Variants in TTC17 observed in about 807,000 individuals in gnomAD.
TTC17 encodes the protein tetratricopeptide repeat protein 17.
A neutral mutation model predicts 143.8 loss-of-function variants in TTC17; 58 were observed. The observed-to-expected ratio is 0.40, with a 90% CI of 0.33 to 0.50. TTC17 has a LOEUF of 0.50. Among genes scored for constraint, TTC17 ranks in the 20% least tolerant of loss-of-function variants. The pLI is 0.49. For synonymous variants in TTC17, 501 were observed against 497.8 expected (o/e 1.01, Z -0.09); for missense variants, 1,273 against 1,392.5 (o/e 0.91, Z 1.37).
intron 16 of TTC17, among the ~76,000 whole-genome samples, chr11:43,424,994 C>T (rs1169297208): frequency 6.6e-6 from 1 of 152,110 alleles, no homozygotes; most frequent in Non-Finnish European, 1.5e-5. Context: ...GGGCTGACTT[C>T]TTGTTATATA....
At chr11:43,378,343 T>G (rs1856837785) in intron 1 of TTC17, among the ~76,000 whole-genome samples, 1 of 152,212 alleles carries the variant, frequency 6.6e-6, no homozygotes, top group South Asian at 2.1e-4. Context: ...TGGACGGAGT[T>G]GTAAATTAAG....
intron 1 of TTC17, among the ~76,000 whole-genome samples, chr11:43,366,568 A>G (rs1856351928): frequency 6.6e-6 from 1 of 152,026 alleles, no homozygotes; most frequent in Non-Finnish European, 1.5e-5. Flanking sequence ...AACATCCACC[A>G]TGCCAGCATG....
chr11:43,492,001 A>G lies in TTC17; in HGVS notation c.3151-19A>G, dbSNP rs752346042. Reference sequence around the variant, plus strand: ...CAAAACCCAATTTTCCCTTCTCACCATTCTCCTTCTTCTCCCAGGATGTGC... The same window carrying G: ...CAAAACCCAATTTTCCCTTCTCACCGTTCTCCTTCTTCTCCCAGGATGTGC... On this transcript the variant is annotated intron_variant, in intron 22 of 23. Transcript: ENST00000039989. 2.5e-6 allele frequency: 4 copies of G among 1,611,784 alleles called. No individual in the cohort carries two copies. In the South Asian group the frequency reaches 3.3e-5, roughly 13 times the overall value.
intron 21 of TTC17, among the ~76,000 whole-genome samples, chr11:43,487,382 G>A (rs1948400724): frequency 6.6e-6 from 1 of 152,160 alleles, no homozygotes; most frequent in African/African-American, 2.4e-5. Flanking sequence ...CTGACCTCAC[G>A]TGATCTGCCT....
chr11:43,427,596 A>C (rs1947059336), intron 16 of TTC17, among the ~76,000 whole-genome samples: 1 of 152,206 alleles, frequency 6.6e-6, no homozygotes. Flanking sequence ...ACACATACAC[A>C]TAAAAGTACC....
intron 16 of TTC17, among the ~76,000 whole-genome samples, chr11:43,435,856 A>C (rs561201809): frequency 1.3e-5 from 2 of 152,352 alleles, no homozygotes; most frequent in South Asian, 4.1e-4. Flanking sequence ...TTCTAACTTC[A>C]AGAAAATATT....
Position 43,448,063 on chromosome 11 carries a change from C to T in TTC17, c.2727C>T (p.Arg909=), listed in dbSNP as rs776224020. Residue 909 remains arginine (R), a synonymous_variant, in exon 19 of 24, where the codon CGC becomes CGT. Coordinates refer to ENST00000039989, the MANE Select transcript of TTC17 (RefSeq NM_018259.6). ...GCCCGGACGAATGCCTCAAACTCCG[C>T]TGGGTAGAGCTGACTGCCATCGTGA... The part of the protein sequence containing the change: ...WPSPDECLKL[R]WVELTAIVST... 1 of 1,614,174 alleles carries T rather than the reference C, an allele frequency of 6.2e-7. No individual in the cohort carries two copies. Among genetic ancestry groups the T allele is most frequent in the Admixed American group, 1.7e-5 (1 of 60,022 alleles).
chr11:43,472,221 T>G (rs1948105367), intron 21 of TTC17, among the ~76,000 whole-genome samples: 1 of 152,092 alleles, frequency 6.6e-6, no homozygotes, highest in Non-Finnish European at 1.5e-5. Context: ...TAGCCAAGCA[T>G]AGTAGCATAC....
chr11:43,484,688 T>C (rs1046692438), intron 21 of TTC17, among the ~76,000 whole-genome samples: 1 of 152,148 alleles, frequency 6.6e-6, no homozygotes, highest in African/African-American at 2.4e-5. Flanking sequence ...ACTTTTTTGA[T>C]AAAACAAGAC....
intron 16 of TTC17, among the ~76,000 whole-genome samples, chr11:43,426,959 A>G (rs990546795): frequency 3.9e-5 from 6 of 152,184 alleles, no homozygotes; most frequent in Non-Finnish European, 8.8e-5. Context: ...GTAATGTACA[A>G]GGTCTGTTGG....
At chr11:43,368,489 A>G (rs1370380300) in intron 1 of TTC17, among the ~76,000 whole-genome samples, 1 of 152,196 alleles carries the variant, frequency 6.6e-6, no homozygotes, top group East Asian at 1.9e-4. Flanking sequence ...AACCCAACGT[A>G]GTAATAACTT....
chr11:43,393,008 T>C (rs1475960803), intron 5 of TTC17, among the ~76,000 whole-genome samples: 1 of 152,202 alleles, frequency 6.6e-6, no homozygotes, highest in African/African-American at 2.4e-5. Flanking sequence ...GGTTAGGTGG[T>C]TGTATTTGTC....
intron 10 of TTC17, 36 bp downstream of exon 10, chr11:43,401,594 T>A: frequency 7.1e-7 from 1 of 1,417,464 alleles, no homozygotes; most frequent in Non-Finnish European, 9.7e-7. Context: ...CTTATAAACG[T>A]TTGCTTTATA....
chr11:43,457,589 A>G (rs1947787674), intron 21 of TTC17, among the ~76,000 whole-genome samples: 1 of 152,182 alleles, frequency 6.6e-6, no homozygotes, highest in Non-Finnish European at 1.5e-5. Context: ...GAAAAGATGA[A>G]GAAAGTAGAT....
intron 16 of TTC17, among the ~76,000 whole-genome samples, chr11:43,417,388 A>G (rs1229595346): frequency 1.3e-5 from 2 of 152,182 alleles, no homozygotes; most frequent in Non-Finnish European, 2.9e-5. Flanking sequence ...TGTTTGCAAT[A>G]TTGAAGTAAG....
chr11:43,405,086 T>A (rs562277207), intron 11 of TTC17, among the ~76,000 whole-genome samples: 41 of 148,126 alleles, frequency 2.8e-4, no homozygotes, highest in Non-Finnish European at 5.6e-4. Context: ...GACCCATTTC[T>A]TCTTTTTCTT....
intron 22 of TTC17, chr11:43,490,854 CAAAAAAAAAAAAAAAAA>C (rs57074352): frequency 1.5e-5 from 1 of 66,562 alleles, no homozygotes; most frequent in Non-Finnish European, 2.8e-5. Flanking sequence ...ACTTTTTCCA[CAAAAAAAAAAAAAAAAA>C]AAAAAAAAAA....
chr11:43,443,566 T>A lies in TTC17; in HGVS notation c.2493T>A (p.Asp831Glu), dbSNP rs1324821206. The change falls in exon 17 of 24, where the codon GAT (aspartate) becomes GAA (glutamate). Residue 831 changes from aspartate to glutamate, a missense_variant. Around this residue, in one of 3 missense-constraint regions of TTC17, gnomAD observed 878 missense variants for 899.8 expected, o/e 0.98. Coordinates refer to ENST00000039989, the MANE Select transcript of TTC17 (RefSeq NM_018259.6). Reference sequence around the variant, plus strand: ...GCTATGGAGACTGCAGAAGTGAAGATGATGAAGCAACAGAATGGGTAAGTT... The same window carrying A: ...GCTATGGAGACTGCAGAAGTGAAGAAGATGAAGCAACAGAATGGGTAAGTT... ...SSCYGDCRSE[D>E]DEATEWITFQ... 6.2e-7 allele frequency: 1 copy of A among 1,611,276 alleles called. No individual in the cohort carries two copies. Among genetic ancestry groups the A allele is most frequent in the African/African-American group, 1.3e-5 (1 of 74,770 alleles).
At chr11:43,407,115 C>G in intron 13 of TTC17, 23 bp from the exon 14 acceptor site, 1 of 1,493,048 alleles carries the variant, frequency 6.7e-7, no homozygotes. Context: ...TCAATTGAGT[C>G]AGTCTTCCTT....
Sources: allele counts gnomAD v4.1 joint callset (sites outside exome capture counted in the v4.1 genomes callset), GRCh38; gene constraint gnomAD v4.1.1; regional missense constraint gnomAD v4.1.1; transcripts MANE v1.5; gene names NCBI Gene and HGNC (gene_info 2026-07-23, HGNC 2026-07-21).